The following TMIGD3 variants were observed in gnomAD, a reference collection of about 807,000 sequenced individuals.
TMIGD3 encodes transmembrane and immunoglobulin domain containing 3, also known as AD026 protein (AD026).
Under a neutral mutation model 28.1 loss-of-function variants are expected in TMIGD3, and 21 were observed. The ratio of observed to expected loss-of-function variants is 0.75; its 90% CI spans 0.53 to 1.08. TMIGD3 has a LOEUF of 1.08. Ranked by LOEUF, TMIGD3 falls within the 50% of genes least tolerant of loss-of-function variation. The probability of loss-of-function intolerance (pLI) is 0.00; values close to 1 mark genes in which losing one functional copy is unlikely to be tolerated. For missense variants in TMIGD3, 416 were observed against 435.6 expected (o/e 0.96, Z 0.40); for synonymous variants, 151 against 162.1 (o/e 0.93, Z 0.52).
chr1:111,519,992 T>G (rs1656001798), intron 1 of TMIGD3, among the ~76,000 whole-genome samples: 2 of 152,178 alleles, frequency 1.3e-5, no homozygotes, highest in South Asian at 4.1e-4. Context: ...CGTACCTGGC[T>G]GCCTTTTTCT....
At chr1:111,506,680 C>T (rs1655500385), upstream of TMIGD3, among the ~76,000 whole-genome samples, 1 of 151,902 alleles carries the variant, frequency 6.6e-6, no homozygotes, top group African/African-American at 2.4e-5. Flanking sequence ...TCAGTATTCT[C>T]AGATCTAAAA....
In TMIGD3 at chr1:111,500,691, A is replaced by G. The variant is rs2100978297; in HGVS notation, c.350+2314T>C. ...TAATTCTCCAATCTTCTGCTAAGAG[A>G]GGGCAGCATTGATATCCTATGGTGA... is the stretch of plus-strand genomic sequence containing the variant. On this transcript the variant is annotated intron_variant, in intron 1 of 5. Coordinates refer to ENST00000369716, the MANE Select transcript of TMIGD3 (RefSeq NM_020683.7). 5 of 876,464 alleles carry G rather than the reference A, an allele frequency of 5.7e-6. No homozygotes were observed. In the South Asian group the frequency reaches 6.5e-5, roughly 11 times the overall value. 54.3% of individuals were successfully genotyped at this position (876,464 alleles called of 1,614,324 possible). A position where few individuals can be genotyped will look rare whatever the true frequency, so the allele number is the denominator to read the frequency against.
At chr1:111,523,187 C>T (rs958790443) in intron 1 of TMIGD3, among the ~76,000 whole-genome samples, 11 of 152,108 alleles carry the variant, frequency 7.2e-5, no homozygotes, top group East Asian at 5.8e-4. Context: ...GAGTTTATAT[C>T]GGTGATACTG....
In TMIGD3 at chr1:111,483,595, G is replaced by C; in HGVS notation, c.*92C>G. The C allele has an allele frequency of 1.9e-6, 2 of 1,068,720 alleles. No homozygotes were observed. The highest frequency in any genetic ancestry group is 1.3e-5 in the South Asian group (1 of 75,110). The allele number at this position is 1,068,720 out of a possible 1,614,324, so 66.2% of individuals were successfully genotyped here. A position where few individuals can be genotyped will look rare whatever the true frequency, so the allele number is the denominator to read the frequency against. ...AGAGGGTCCTTCAGAATTCCTGGGA[G>C]ATCAGAATCAGTCTCTGAGGTGTGG... is the stretch of plus-strand genomic sequence containing the variant. On this transcript the variant is annotated 3_prime_UTR_variant, in exon 6 of 6. Transcript: ENST00000369716.
chr1:111,532,042 A>G (rs758279230), intron 1 of TMIGD3, among the ~76,000 whole-genome samples: 1 of 152,062 alleles, frequency 6.6e-6, no homozygotes, highest in Non-Finnish European at 1.5e-5. Flanking sequence ...CCAAAACCCT[A>G]TTAATTATGA....
chr1:111,504,452 G>A (rs1191107721), upstream of TMIGD3, among the ~76,000 whole-genome samples: 1 of 152,212 alleles, frequency 6.6e-6, no homozygotes, highest in East Asian at 1.9e-4. Context: ...CCCTGAAGCT[G>A]CTTACCTAGT....
intron 1 of TMIGD3, among the ~76,000 whole-genome samples, chr1:111,533,039 G>GT (rs1209159180): frequency 2.6e-5 from 4 of 152,202 alleles, no homozygotes; most frequent in Non-Finnish European, 2.9e-5. Context: ...CTTTAAAACA[G>GT]TAACTGCCCC....
At chr1:111,514,759 A>G (rs910376211) in intron 1 of TMIGD3, among the ~76,000 whole-genome samples, 1 of 152,114 alleles carries the variant, frequency 6.6e-6, no homozygotes, top group Admixed American at 6.5e-5. Context: ...CCATGCAGTA[A>G]CACAATAATG....
chr1:111,513,134 G>A (rs1360946442), intron 1 of TMIGD3, among the ~76,000 whole-genome samples: 1 of 152,220 alleles, frequency 6.6e-6, no homozygotes, highest in African/African-American at 2.4e-5. Flanking sequence ...CTCAGTTGCT[G>A]CAGGTGAAGC....
chr1:111,539,609 T>C (rs1430533593), intron 1 of TMIGD3, among the ~76,000 whole-genome samples: 1 of 152,070 alleles, frequency 6.6e-6, no homozygotes, highest in African/African-American at 2.4e-5. Flanking sequence ...GCTATTATAT[T>C]TTACCACAAT....
upstream of TMIGD3, chr1:111,503,833 T>C: frequency 1.0e-6 from 1 of 1,000,344 alleles, no homozygotes; most frequent in Non-Finnish European, 1.2e-6. Context: ...GAGCCATGAG[T>C]GGCATAGAGA....
chr1:111,517,772 G>A (rs1019635789), intron 1 of TMIGD3, among the ~76,000 whole-genome samples: 2 of 152,156 alleles, frequency 1.3e-5, no homozygotes, highest in Non-Finnish European at 2.9e-5. Flanking sequence ...GTCCTCAGTG[G>A]GTTGATGCAC....
chr1:111,528,445 G>T (rs1199573744), intron 1 of TMIGD3, among the ~76,000 whole-genome samples: 4 of 152,180 alleles, frequency 2.6e-5, no homozygotes, highest in African/African-American at 9.6e-5. Context: ...AAGTCAGGTA[G>T]TATCAGTCCT....
At chr1:111,485,649 G>A in intron 5 of TMIGD3, 91 bp downstream of exon 5, 1 of 1,007,262 alleles carries the variant, frequency 9.9e-7, no homozygotes, top group Non-Finnish European at 1.5e-6. Context: ...AATATGAAGA[G>A]GCTCTCATTC....
chr1:111,503,156 G>T lies in TMIGD3; in HGVS notation c.199C>A (p.Pro67Thr), dbSNP rs1203435475. 3 of 1,614,236 alleles carry T rather than the reference G, an allele frequency of 1.9e-6. No homozygotes were observed. The highest frequency in any genetic ancestry group is 1.7e-5 in the Admixed American group (1 of 60,026). Residue 67 changes from proline (P) to threonine (T), a missense_variant, in exon 1 of 6, where the codon CCT becomes ACT. Pro to Thr is a conservative substitution (Grantham distance 38, BLOSUM62 -1). Transcript: ENST00000369716. ...CCCAGGCTGACAACAATGGCCAAAG[G>T]CATGACCAGCACCCCAACAGCAATG... ...ADIAVGVLVM[P>T]LAIVVSLGIT...
intron 1 of TMIGD3, among the ~76,000 whole-genome samples, chr1:111,562,067 C>G (rs1032491790): frequency 3.9e-5 from 6 of 152,206 alleles, no homozygotes; most frequent in African/African-American, 1.4e-4. Context: ...AGCCACCCCA[C>G]CCTGTGATTC....
chr1:111,490,331 C>T (rs985324488), intron 2 of TMIGD3: 7 of 248,562 alleles, frequency 2.8e-5, no homozygotes, highest in Middle Eastern at 1.2e-3. Flanking sequence ...ATATGGAATG[C>T]GTAATGAATT....
chr1:111,503,820 G>A, upstream of TMIGD3: 4 of 1,004,268 alleles, frequency 4.0e-6, no homozygotes, highest in Non-Finnish European at 4.8e-6. Context: ...AAGAGCAGAA[G>A]AGGAGCCATG....
chr1:111,508,890 T>C (rs1303114155), intron 1 of TMIGD3, among the ~76,000 whole-genome samples: 1 of 152,128 alleles, frequency 6.6e-6, no homozygotes, highest in Non-Finnish European at 1.5e-5. Flanking sequence ...AGGTCAGGCG[T>C]TCTAGACCAG....
Sources: gnomAD v4.1 joint callset for allele counts (sites outside exome capture counted in the v4.1 genomes callset) on GRCh38, gnomAD v4.1.1 for gene constraint, MANE v1.5 for transcripts, NCBI Gene and HGNC (gene_info 2026-07-23, HGNC 2026-07-21) for gene names.